GRIN2A: variants seen among roughly 807,000 people sequenced by gnomAD.
GRIN2A encodes the protein glutamate receptor ionotropic, NMDA 2A.
A neutral mutation model predicts 113.4 loss-of-function variants in GRIN2A; 22 were observed. That is an observed-to-expected ratio of 0.19 (90% CI 0.14 to 0.28). The LOEUF is 0.28. Ranked by LOEUF, GRIN2A falls within the 10% of genes least tolerant of loss-of-function variation. The pLI is 1.00. For synonymous variants in GRIN2A, 827 were observed against 738.4 expected (o/e 1.12, Z -1.94); for missense variants, 1,502 against 1,887.0 (o/e 0.80, Z 3.78).
chr16:9,978,631 C>G (rs1369409422), intron 2 of GRIN2A, among the ~76,000 whole-genome samples: 1 of 152,170 alleles, frequency 6.6e-6, no homozygotes, highest in Non-Finnish European at 1.5e-5. Context: ...ACTCCATGAC[C>G]TGGCTCAAGT....
chr16:9,858,454 A>G (rs967636569), intron 4 of GRIN2A, among the ~76,000 whole-genome samples: 1 of 152,158 alleles, frequency 6.6e-6, no homozygotes, highest in African/African-American at 2.4e-5. Context: ...GGGAGGAGAA[A>G]AAAAATCTTT....
chr16:10,128,841 A>G (rs1329698218), intron 2 of GRIN2A, among the ~76,000 whole-genome samples: 1 of 152,240 alleles, frequency 6.6e-6, no homozygotes, highest in Non-Finnish European at 1.5e-5. Context: ...TCTTAGGAGC[A>G]TAATACAGTC....
intron 8 of GRIN2A, among the ~76,000 whole-genome samples, 187 bp from the exon 9 acceptor site, chr16:9,829,839 T>C (rs548952935): frequency 1.3e-5 from 2 of 152,280 alleles, no homozygotes; most frequent in African/African-American, 4.8e-5. Flanking sequence ...AGCATTCTTC[T>C]CACATTTCTA....
At chr16:9,864,196 C>G (rs927710151) in intron 4 of GRIN2A, among the ~76,000 whole-genome samples, 1 of 152,178 alleles carries the variant, frequency 6.6e-6, no homozygotes, top group Non-Finnish European at 1.5e-5. Context: ...CATTTGCAGT[C>G]TGGCAGAGTA....
rs1247927782 is a variant in GRIN2A at position 10,180,559 on chromosome 16, G to A, written c.-18-130C>T. ...CAGCAGGATAGGCTGCTGGGATCAC[G>A]GACTCCATTCCGAGTCCCCGACGCC... On this transcript the variant is annotated intron_variant, in intron 1 of 12. Transcript: ENST00000330684. This position sits in a 1 kb window ranked among gnomAD's most constrained non-coding sequence, Gnocchi z 7.0. The A allele has an allele frequency of 6.7e-6, 10 of 1,482,360 alleles. No homozygotes were observed. Among genetic ancestry groups the A allele is most frequent in the Non-Finnish European group, 8.9e-6 (10 of 1,118,608 alleles). 91.8% of individuals were successfully genotyped at this position (1,482,360 alleles called of 1,614,324 possible).
At chr16:9,783,122 T>C (rs761158690) in intron 11 of GRIN2A, among the ~76,000 whole-genome samples, 1 of 152,204 alleles carries the variant, frequency 6.6e-6, no homozygotes, top group Admixed American at 6.5e-5. Context: ...GTCTATATCA[T>C]CAGTGTATTA....
At chr16:10,162,586 G>T (rs1446442555) in intron 2 of GRIN2A, among the ~76,000 whole-genome samples, 1 of 152,160 alleles carries the variant, frequency 6.6e-6, no homozygotes, top group African/African-American at 2.4e-5. Context: ...CTCCCTTTGT[G>T]TGTTTATGTT....
intron 4 of GRIN2A, among the ~76,000 whole-genome samples, chr16:9,859,861 T>G (rs1283107044): frequency 6.6e-6 from 1 of 152,140 alleles, no homozygotes; most frequent in Non-Finnish European, 1.5e-5. Context: ...TTTTTGCATT[T>G]TCTTTGCCTT....
chr16:9,874,314 G>A (rs1458914636), intron 4 of GRIN2A, among the ~76,000 whole-genome samples: 1 of 152,252 alleles, frequency 6.6e-6, no homozygotes, highest in African/African-American at 2.4e-5. Context: ...GTTTACTGCA[G>A]GGGTGGGGAC....
At chr16:9,950,231 G>A (rs964304487) in intron 2 of GRIN2A, among the ~76,000 whole-genome samples, 1 of 152,140 alleles carries the variant, frequency 6.6e-6, no homozygotes, top group Admixed American at 6.5e-5. Flanking sequence ...GGGACAGACT[G>A]TTTCCCTCCC....
chr16:9,806,457 T>C (rs2041969047), intron 10 of GRIN2A, among the ~76,000 whole-genome samples: 1 of 152,092 alleles, frequency 6.6e-6, no homozygotes, highest in East Asian at 1.9e-4. Flanking sequence ...TCACTGTGAA[T>C]TGGGCAAAAA....
chr16:10,055,990 G>A (rs746266748), intron 2 of GRIN2A, among the ~76,000 whole-genome samples: 2 of 152,100 alleles, frequency 1.3e-5, no homozygotes, highest in African/African-American at 2.4e-5. Context: ...ACAGCTCCAG[G>A]CTGGATATTG....
chr16:9,763,285 T>C lies in GRIN2A; in HGVS notation c.4259A>G (p.Asn1420Ser), dbSNP rs775911833. The C allele has an allele frequency of 5.0e-5, 81 of 1,614,000 alleles. 1 individual carries two copies. Among genetic ancestry groups the C allele is most frequent in the South Asian group, 4.2e-4 (38 of 91,074 alleles). The change falls in exon 13 of 13, where the codon AAT (asparagine) becomes AGT (serine). Residue 1420 changes from asparagine to serine, a missense_variant. Transcript: ENST00000330684. ...SYCSRDSRGH[N>S]DVYISEHVMP... The stretch of plus-strand genomic sequence containing the variant: ...AACATGCTCCGAAATATACACATCA[T>C]TGTGGCCCCGACTGTCCCTGGAACA...
chr16:9,819,763 A>G (rs1216190241), intron 10 of GRIN2A, among the ~76,000 whole-genome samples: 2 of 152,012 alleles, frequency 1.3e-5, no homozygotes, highest in African/African-American at 2.4e-5. Context: ...CAGAAGTTCA[A>G]GATGTGCCTA....
chr16:9,993,019 C>G (rs1174321983), intron 2 of GRIN2A, among the ~76,000 whole-genome samples: 1 of 151,740 alleles, frequency 6.6e-6, no homozygotes, highest in African/African-American at 2.4e-5. Context: ...AGTTCAAGAC[C>G]AACCTGGCAA....
chr16:10,079,389 T>C (rs1032940834), intron 2 of GRIN2A, among the ~76,000 whole-genome samples: 5 of 152,180 alleles, frequency 3.3e-5, no homozygotes, highest in African/African-American at 1.2e-4. Context: ...AATGCAGCCA[T>C]GTTTCAGGCA....
At chr16:10,173,061 C>G (rs559194690) in intron 2 of GRIN2A, among the ~76,000 whole-genome samples, 3 of 152,298 alleles carry the variant, frequency 2.0e-5, no homozygotes, top group South Asian at 4.1e-4. Flanking sequence ...TGTCAGCAAC[C>G]CCTGAGGGCT....
chr16:9,796,077 G>A (rs150264373), intron 11 of GRIN2A, among the ~76,000 whole-genome samples: 1 of 152,276 alleles, frequency 6.6e-6, no homozygotes, highest in African/African-American at 2.4e-5. Context: ...ATTGAGGAAC[G>A]TATGTAATGC....
chr16:9,810,941 G>T (rs935185446), intron 10 of GRIN2A, among the ~76,000 whole-genome samples: 1 of 152,134 alleles, frequency 6.6e-6, no homozygotes, highest in African/African-American at 2.4e-5. Flanking sequence ...CTTTCCATGG[G>T]GTGTAAACAG....
Sources: gnomAD v4.1 joint callset for allele counts (sites outside exome capture counted in the v4.1 genomes callset) on GRCh38, gnomAD v4.1.1 for gene constraint, Gnocchi (gnomAD v3.1) non-coding constraint, MANE v1.5 for transcripts, NCBI Gene and HGNC (gene_info 2026-07-23, HGNC 2026-07-21) for gene names.